The following FSIP2 variants were observed in gnomAD, a reference collection of about 807,000 sequenced individuals.
The protein encoded by FSIP2 is fibrous sheath-interacting protein 2.
FSIP2 carries 367 observed loss-of-function variants against 510.5 expected under a neutral mutation model. That is an observed-to-expected ratio of 0.72 (90% CI 0.66 to 0.78). The LOEUF is 0.78. FSIP2 is among the 30% of genes least tolerant of loss of function. The pLI is 0.00. For synonymous variants in FSIP2, 2,601 were observed against 2,732.2 expected, an observed-to-expected ratio of 0.95 and a Z score of 1.50; for missense variants, 7,594 against 7,901.7, an observed-to-expected ratio of 0.96 and a Z score of 1.48.
chr2:185,824,374 C>G (rs1693977317), intron 19 of FSIP2, 60 bp from the exon 20 acceptor site: 3 of 1,109,264 alleles, frequency 2.7e-6, no homozygotes, highest in Non-Finnish European at 4.1e-6. Flanking sequence ...TTTTGCTTAA[C>G]CAGTAACTTC....
At chr2:185,764,730 T>C (rs776640204) in intron 13 of FSIP2, 165 bp downstream of exon 13, 52 of 564,014 alleles carry the variant, frequency 9.2e-5, no homozygotes, top group African/African-American at 2.3e-4. Flanking sequence ...CTTGGAAAGA[T>C]AGTCATGGCC....
chr2:185,786,050 A>G (rs1481796540), intron 14 of FSIP2, among the ~76,000 whole-genome samples: 2 of 151,952 alleles, frequency 1.3e-5, no homozygotes, highest in East Asian at 3.9e-4. Context: ...CCTGGGTAAT[A>G]AAGCACATTT....
rs1336583406 is a variant in FSIP2 at position 185,802,255 on chromosome 2, T to C, written c.12949T>C (p.Leu4317=). The change falls in exon 17 of 23, where the codon TTG becomes CTG. Residue 4317 remains leucine (L), a synonymous_variant. Transcript: ENST00000424728. ...SFVREIVARL[L]SKIFSPKHNT... ...TGTAAGGGAGATTGTTGCCAGACTT[T>C]TGTCAAAGATTTTCAGCCCAAAGCA... is the stretch of plus-strand genomic sequence containing the variant. The C allele has an allele frequency of 6.5e-7, 1 of 1,533,848 alleles. No individual in the cohort carries two copies. Among genetic ancestry groups the C allele is most frequent in the East Asian group, 2.4e-5 (1 of 40,840 alleles).
intron 7 of FSIP2, among the ~76,000 whole-genome samples, chr2:185,751,612 G>A (rs1214734854): frequency 6.6e-6 from 1 of 151,068 alleles, no homozygotes; most frequent in Non-Finnish European, 1.5e-5. Flanking sequence ...TTAGTTTTAT[G>A]TGTGTCATCT....
Position 185,803,347 on chromosome 2 carries a change from G to A in FSIP2, c.14041G>A (p.Glu4681Lys). The change falls in exon 17 of 23, where the codon GAG becomes AAG. Residue 4681 changes from glutamate (E) to lysine (K), a missense_variant. Physicochemically the swap from Glu to Lys is moderately conservative, Grantham distance 56. Coordinates refer to ENST00000424728, the MANE Select transcript of FSIP2 (RefSeq NM_173651.4). ...KAQVSIIDNT[E>K]ERLCLPPVER... ...CCAAGTTAGCATTATAGATAATACT[G>A]AGGAAAGACTGTGTTTACCTCCAGT... 2 of 1,533,234 alleles carry A rather than the reference G, an allele frequency of 1.3e-6. No homozygotes were observed. Among genetic ancestry groups the A allele is most frequent in the Non-Finnish European group, 1.7e-6 (2 of 1,144,994 alleles). 95.0% of individuals were successfully genotyped at this position (1,533,234 alleles called of 1,614,324 possible).
rs752452618 is a variant in FSIP2 at position 185,808,658 on chromosome 2, C to G, written c.19352C>G (p.Pro6451Arg). ...YDIKDTNTAF[P>R]KKVASLIIDG... is the part of the protein sequence containing the mutation. ...ATAAAAGATACAAATACAGCCTTTC[C>G]TAAAAAAGTGGCTAGTTTAATTATT... is the stretch of plus-strand genomic sequence containing the variant. The change falls in exon 17 of 23, where the codon CCT becomes CGT. Residue 6451 changes from proline (P) to arginine (R), a missense_variant. Transcript: ENST00000424728. The G allele has an allele frequency of 5.0e-6, 8 of 1,605,506 alleles. No homozygotes were observed. The South Asian group carries it at 9.0e-5, about 18-fold the overall frequency.
chr2:185,832,973 A>G, intron 22 of FSIP2, 117 bp from the exon 23 acceptor site: 2 of 765,826 alleles, frequency 2.6e-6, no homozygotes, highest in South Asian at 3.2e-5. Flanking sequence ...TGAGAGTCAG[A>G]AAGTCTGGAC....
At chr2:185,739,034 C>T (rs1344817790) in intron 1 of FSIP2, 41 bp downstream of exon 1, 2 of 1,515,752 alleles carry the variant, frequency 1.3e-6, no homozygotes, top group East Asian at 2.5e-5. Flanking sequence ...CTCTGGCGGC[C>T]GCAGGCCTGC....
chr2:185,799,617 G>A (rs1431284605), intron 16 of FSIP2, 80 bp from the exon 17 acceptor site: 1 of 682,222 alleles, frequency 1.5e-6, no homozygotes, highest in Non-Finnish European at 2.2e-6. Context: ...AAATATATAT[G>A]TAAATAATAA....
In FSIP2 at chr2:185,790,797, A is replaced by T; in HGVS notation, c.3661A>T (p.Lys1221Ter). 2 of 1,532,762 alleles carry T rather than the reference A, an allele frequency of 1.3e-6. No homozygotes were observed. The highest frequency in any genetic ancestry group is 1.7e-6 in the Non-Finnish European group (2 of 1,144,908). The allele number at this position is 1,532,762 out of a possible 1,614,324, so 94.9% of individuals were successfully genotyped here. ...VKEAPNKYPL[K>*]TWFDSEKKMK... ...AGAAGCACCAAATAAATACCCATTA[A>T]AAACATGGTTTGACAGTGAAAAGAA... Residue 1221 changes from lysine to a stop codon, truncating the protein, a stop_gained, in exon 16 of 23, where the codon AAA becomes TAA. Coordinates refer to ENST00000424728, the MANE Select transcript of FSIP2 (RefSeq NM_173651.4). LOFTEE classifies it high-confidence loss of function.
At chr2:185,760,107 A>G (rs1484472137) in intron 9 of FSIP2, among the ~76,000 whole-genome samples, 36 of 150,654 alleles carry the variant, frequency 2.4e-4, no homozygotes, top group Admixed American at 2.3e-3. Context: ...TGTAAATTCT[A>G]TTTTGCTGAT....
rs1693628285 is a variant in FSIP2 at position 185,808,044 on chromosome 2, T to A, written c.18738T>A (p.Asn6246Lys). The part of the protein sequence containing the change: ...KESPTVPVAD[N>K]ATIENIVNSI... Reference sequence around the variant, plus strand: ...CACCTACTGTGCCTGTAGCTGATAATGCAACTATTGAAAACATAGTTAATT... The same window carrying A: ...CACCTACTGTGCCTGTAGCTGATAAAGCAACTATTGAAAACATAGTTAATT... The change falls in exon 17 of 23, where the codon AAT (asparagine) becomes AAA (lysine). Residue 6246 changes from asparagine (N) to lysine (K), a missense_variant. By Grantham distance (94) the Asn-to-Lys change is moderately conservative (BLOSUM62 0). Coordinates refer to ENST00000424728, the MANE Select transcript of FSIP2 (RefSeq NM_173651.4). 6.2e-7 allele frequency: 1 copy of A among 1,611,090 alleles called. No individual in the cohort carries two copies. The highest frequency in any genetic ancestry group is 1.3e-5 in the African/African-American group (1 of 74,778).
rs1414133940 is a variant in FSIP2 at position 185,795,859 on chromosome 2, A to G, written c.8723A>G (p.Asp2908Gly). ...AAAGGAGCTTCTACTAGAGCCGAGG[A>G]TACTAAAGCACAAATTAATATGTTT... The part of the protein sequence containing the change: ...HFKGASTRAE[D>G]TKAQINMFGR... The change falls in exon 16 of 23, where the codon GAT becomes GGT. Residue 2908 changes from aspartate to glycine, a missense_variant. Physicochemically the swap from Asp to Gly is moderately conservative, Grantham distance 94. Transcript: ENST00000424728. The G allele has an allele frequency of 2.0e-6, 3 of 1,532,524 alleles. No individual in the cohort carries two copies. Among genetic ancestry groups the G allele is most frequent in the African/African-American group, 2.8e-5 (2 of 72,634 alleles). 94.9% of individuals were successfully genotyped at this position (1,532,524 alleles called of 1,614,324 possible). A position where few individuals can be genotyped will look rare whatever the true frequency, so the allele number is the denominator to read the frequency against.
At chr2:185,809,191 G>C in intron 17 of FSIP2, 58 bp downstream of exon 17, 1 of 1,490,504 alleles carries the variant, frequency 6.7e-7, no homozygotes, top group East Asian at 2.3e-5. Context: ...GTTCTTCTGT[G>C]ATTTCCTTCC....
intron 13 of FSIP2, among the ~76,000 whole-genome samples, chr2:185,771,280 C>A (rs931244148): frequency 1.3e-5 from 2 of 152,202 alleles, no homozygotes; most frequent in African/African-American, 4.8e-5. Context: ...GTTCTTCAAT[C>A]CCACATTTCC....
At chr2:185,825,132 CAACA>C in intron 20 of FSIP2, among the ~76,000 whole-genome samples, 1 of 151,844 alleles carries the variant, frequency 6.6e-6, no homozygotes, top group South Asian at 2.1e-4. Flanking sequence ...GCAACCAATT[CAACA>C]AACATATTCT....
At chr2:185,739,520 T>C in intron 2 of FSIP2, 49 bp downstream of exon 2, 1 of 1,401,378 alleles carries the variant, frequency 7.1e-7, no homozygotes, top group Non-Finnish European at 9.3e-7. Context: ...TACTACTTGC[T>C]GTTTAACTCA....
At chr2:185,743,962 G>A (rs1451801027) in intron 3 of FSIP2, among the ~76,000 whole-genome samples, 1 of 151,982 alleles carries the variant, frequency 6.6e-6, no homozygotes, top group East Asian at 1.9e-4. Flanking sequence ...AGCATCCTGA[G>A]TAGCTGGGAC....
rs1294793501 is a variant in FSIP2, at chr2:185,790,627, G to A, written c.3491G>A (p.Ser1164Asn). 6.5e-7 allele frequency: 1 copy of A among 1,533,952 alleles called. No homozygotes were observed. Among genetic ancestry groups the A allele is most frequent in the Non-Finnish European group, 8.7e-7 (1 of 1,145,466 alleles). Residue 1164 changes from serine (S) to asparagine (N), a missense_variant, in exon 16 of 23, where the codon AGT (serine) becomes AAT (asparagine). Transcript: ENST00000424728. ...CAGATGTTTTCTGTTTCAGAAATCAGTACAGTGGCTCAAGAAATAACAGAT... is the reference window on the plus strand; with the variant it reads ...CAGATGTTTTCTGTTTCAGAAATCAATACAGTGGCTCAAGAAATAACAGAT... Reference protein sequence around the residue: ...IDQMFSVSEISTVAQEITDSV... With the variant: ...IDQMFSVSEINTVAQEITDSV...
Sources: gnomAD v4.1 joint callset for allele counts (sites outside exome capture counted in the v4.1 genomes callset) on GRCh38, gnomAD v4.1.1 for gene constraint, MANE v1.5 for transcripts, NCBI Gene and HGNC (gene_info 2026-07-23, HGNC 2026-07-21) for gene names.